CSMD1: variants seen among roughly 807,000 people sequenced by gnomAD.
CSMD1 encodes the protein CUB and sushi domain-containing protein 1.
CSMD1 carries 213 observed loss-of-function variants against 417.5 expected under a neutral mutation model. The ratio of observed to expected loss-of-function variants is 0.51; its 90% confidence interval spans 0.46 to 0.57. The LOEUF (loss-of-function observed/expected upper bound fraction) is 0.57. Ranked by LOEUF, CSMD1 falls within the 20% of genes least tolerant of loss-of-function variation. The pLI, the probability that CSMD1 is intolerant of heterozygous loss-of-function variation, is 0.00. For synonymous variants in CSMD1, 2,862 were observed against 1,736.8 expected, an observed-to-expected ratio of 1.65 and a Z score of -16.11; for missense variants, 6,923 against 4,529.7, an observed-to-expected ratio of 1.53 and a Z score of -15.17.
intron 5 of CSMD1, among the ~76,000 whole-genome samples, chr8:3,776,105 C>A (rs1437665969): frequency 2.0e-5 from 3 of 152,304 alleles, no homozygotes; most frequent in East Asian, 1.9e-4. Flanking sequence ...CATCCTCCCC[C>A]ATCCTTCCTT....
At chr8:3,925,908 A>G (rs750619038) in intron 5 of CSMD1, among the ~76,000 whole-genome samples, 2 of 152,010 alleles carry the variant, frequency 1.3e-5, no homozygotes, top group African/African-American at 4.8e-5. Flanking sequence ...TACTATCTGC[A>G]TAACAAAATG....
intron 6 of CSMD1, among the ~76,000 whole-genome samples, chr8:3,743,160 C>T (rs1481063721): frequency 2.0e-5 from 3 of 152,156 alleles, no homozygotes; most frequent in African/African-American, 7.2e-5. Context: ...CTCCAAAAGC[C>T]AGCATCTCTC....
Position 4,684,886 on chromosome 8 carries a change from T to C in CSMD1, c.86-47328A>G, listed in dbSNP as rs545247302. ...TACTCTTTCTTCTTCTACTAATCAA[T>C]CACTTACTCAACAAAACTGTAAAAT... On this transcript the variant is annotated intron_variant, in intron 1 of 69. Transcript: ENST00000635120. Among the ~76,000 whole-genome samples, 4 of 152,282 alleles carry C rather than the reference T, an allele frequency of 2.6e-5. No homozygotes were observed. The East Asian group carries it at 7.7e-4, about 29-fold the overall frequency.
chr8:3,975,125 T>A (rs1416795337), intron 5 of CSMD1, among the ~76,000 whole-genome samples: 1 of 152,228 alleles, frequency 6.6e-6, no homozygotes, highest in African/African-American at 2.4e-5. Flanking sequence ...CCACTATGCA[T>A]GTTTCCATGG....
intron 2 of CSMD1, among the ~76,000 whole-genome samples, chr8:4,505,219 G>C (rs758893001): frequency 4.6e-5 from 7 of 152,134 alleles, no homozygotes; most frequent in African/African-American, 7.2e-5. Flanking sequence ...TAGAGGTCTT[G>C]ATTTGTAGAG....
At chr8:3,433,336 T>G (rs748464281) in intron 12 of CSMD1, among the ~76,000 whole-genome samples, 1 of 152,210 alleles carries the variant, frequency 6.6e-6, no homozygotes, top group Non-Finnish European at 1.5e-5. Context: ...ACTGCCTGAC[T>G]GTTTTTCTGC....
chr8:3,644,385 C>A (rs1585009886), intron 7 of CSMD1, among the ~76,000 whole-genome samples: 1 of 152,168 alleles, frequency 6.6e-6, no homozygotes, highest in Admixed American at 6.5e-5. Context: ...GAGTGAGACC[C>A]TGGAGAAGCC....
At chr8:4,654,787 G>A (rs537181236) in intron 1 of CSMD1, among the ~76,000 whole-genome samples, 3 of 151,980 alleles carry the variant, frequency 2.0e-5, no homozygotes, top group Admixed American at 1.3e-4. Flanking sequence ...TACACAGGCA[G>A]ACAACTTTGG....
intron 5 of CSMD1, among the ~76,000 whole-genome samples, chr8:3,870,220 T>C (rs565192006): frequency 3.9e-4 from 59 of 152,316 alleles, no homozygotes; most frequent in African/African-American, 1.2e-3. Flanking sequence ...ATATTTCTCT[T>C]TCTAGCAAAA....
intron 3 of CSMD1, among the ~76,000 whole-genome samples, chr8:4,248,685 G>C (rs1005723144): frequency 4.6e-5 from 7 of 152,170 alleles, no homozygotes; most frequent in African/African-American, 1.7e-4. Context: ...TCCTGCCCTA[G>C]ACATTACCAA....
rs192306977 is a variant in CSMD1, at chr8:4,108,923, A to C, written c.416-76824T>G. Among the ~76,000 whole-genome samples, 7 of 152,304 alleles carry C rather than the reference A, an allele frequency of 4.6e-5. No individual in the cohort carries two copies. In the East Asian group the frequency reaches 1.4e-3, roughly 29 times the overall value. ...AATCATTTAAAAAACTGTGACAAAA[A>C]ATTCCATCGCCTTAGAAATTGTCCA... On this transcript the variant is annotated intron_variant, in intron 3 of 69. Coordinates refer to ENST00000635120, the MANE Select transcript of CSMD1 (RefSeq NM_033225.6).
chr8:3,979,841 T>C (rs1260729724), intron 5 of CSMD1, among the ~76,000 whole-genome samples: 1 of 152,180 alleles, frequency 6.6e-6, no homozygotes, highest in Non-Finnish European at 1.5e-5. Context: ...TAGAGAAGTG[T>C]CTAAATTTTC....
intron 3 of CSMD1, among the ~76,000 whole-genome samples, chr8:4,355,249 C>G (rs1199574487): frequency 3.3e-5 from 5 of 151,646 alleles, no homozygotes; most frequent in Non-Finnish European, 7.4e-5. Context: ...GTAAGAAACT[C>G]CATTTCAAAT....
chr8:4,268,693 T>A (rs972443239), intron 3 of CSMD1, among the ~76,000 whole-genome samples: 1 of 152,040 alleles, frequency 6.6e-6, no homozygotes, highest in Non-Finnish European at 1.5e-5. Context: ...TATATGTGTA[T>A]CTCAATTTTT....
intron 6 of CSMD1, among the ~76,000 whole-genome samples, chr8:3,718,321 C>T (rs1370388935): frequency 6.6e-6 from 1 of 151,796 alleles, no homozygotes; most frequent in East Asian, 1.9e-4. Flanking sequence ...TTTTTGATGT[C>T]CTTGAATAGG....
chr8:4,985,120 C>G (rs577103545), intron 1 of CSMD1, among the ~76,000 whole-genome samples: 1 of 152,130 alleles, frequency 6.6e-6, no homozygotes, highest in Non-Finnish European at 1.5e-5. Flanking sequence ...AACAGAAAAT[C>G]AAATACCACT....
intron 5 of CSMD1, among the ~76,000 whole-genome samples, chr8:3,965,078 G>T (rs548654460): frequency 6.6e-6 from 1 of 152,256 alleles, no homozygotes; most frequent in South Asian, 2.1e-4. Flanking sequence ...AGCACTCGCC[G>T]CAGTAGCTGA....
chr8:3,881,325 A>T (rs1454339151), intron 5 of CSMD1, among the ~76,000 whole-genome samples: 1 of 151,416 alleles, frequency 6.6e-6, no homozygotes, highest in Non-Finnish European at 1.5e-5. Context: ...AAGAAGACTG[A>T]ATATATAGAT....
intron 3 of CSMD1, among the ~76,000 whole-genome samples, chr8:4,077,667 T>C (rs1390820530): frequency 6.6e-6 from 1 of 152,150 alleles, no homozygotes; most frequent in Non-Finnish European, 1.5e-5. Flanking sequence ...TATTTGATCT[T>C]TTTCATGTAT....
Sources: gnomAD v4.1 joint callset for allele counts (sites outside exome capture counted in the v4.1 genomes callset) on GRCh38, gnomAD v4.1.1 for gene constraint, MANE v1.5 for transcripts, NCBI Gene and HGNC (gene_info 2026-07-23, HGNC 2026-07-21) for gene names.